The following KALRN variants were observed in gnomAD, a reference collection of about 807,000 sequenced individuals.
The protein encoded by KALRN is kalirin.
Under a neutral mutation model 353.7 loss-of-function variants are expected in KALRN, and 70 were observed. The observed-to-expected ratio is 0.20, with a 90% CI of 0.16 to 0.24. The LOEUF is 0.24. Among genes scored for constraint, KALRN ranks in the 10% least tolerant of loss-of-function variants. The probability of loss-of-function intolerance (pLI) is 1.00; values close to 1 mark genes in which losing one functional copy is unlikely to be tolerated. For synonymous variants in KALRN, 1,391 were observed against 1,434.8 expected (o/e 0.97, Z 0.69); for missense variants, 2,791 against 3,756.7 (o/e 0.74, Z 6.72).
intron 5 of KALRN, among the ~76,000 whole-genome samples, chr3:124,293,226 C>G (rs922241831): frequency 6.6e-6 from 1 of 152,188 alleles, no homozygotes; most frequent in Non-Finnish European, 1.5e-5. Flanking sequence ...CTTGTGTCCT[C>G]TTAATCAGCT....
chr3:124,319,448 T>TTCC (rs2079104710), intron 6 of KALRN, among the ~76,000 whole-genome samples: 1 of 151,412 alleles, frequency 6.6e-6, no homozygotes, highest in South Asian at 2.1e-4. Flanking sequence ...AGTAGGAGGT[T>TTCC]GAACATAAGT....
At chr3:124,508,632 G>A (rs1448323013) in intron 33 of KALRN, among the ~76,000 whole-genome samples, 2 of 152,156 alleles carry the variant, frequency 1.3e-5, no homozygotes, top group African/African-American at 4.8e-5. Flanking sequence ...ACATACCCCT[G>A]TGCATGTGTA....
intron 1 of KALRN, among the ~76,000 whole-genome samples, chr3:124,048,525 A>G (rs1263564362): frequency 6.6e-6 from 1 of 151,054 alleles, no homozygotes; most frequent in Non-Finnish European, 1.5e-5. Context: ...TCTGTCACCC[A>G]GGCTGGAGTG....
intron 11 of KALRN, among the ~76,000 whole-genome samples, chr3:124,393,823 A>G (rs2089810726): frequency 1.3e-5 from 2 of 152,190 alleles, no homozygotes; most frequent in African/African-American, 4.8e-5. Context: ...AAGCTTATTA[A>G]TCTTCCTGTT....
chr3:124,522,635 C>A (rs987088441), intron 33 of KALRN, among the ~76,000 whole-genome samples: 29 of 152,128 alleles, frequency 1.9e-4, no homozygotes, highest in African/African-American at 6.8e-4. Context: ...CAGGGCTGCA[C>A]CCCCGGAGTT....
At chr3:124,548,424 T>C (rs1387622792) in intron 33 of KALRN, among the ~76,000 whole-genome samples, 1 of 152,206 alleles carries the variant, frequency 6.6e-6, no homozygotes, top group African/African-American at 2.4e-5. Flanking sequence ...ACCTACATTT[T>C]AATTATCTCC....
intron 5 of KALRN, among the ~76,000 whole-genome samples, chr3:124,280,206 T>G (rs7630529): frequency 0.02 from 3,103 of 152,280 alleles, 40 homozygotes; most frequent in Middle Eastern, 0.034. Flanking sequence ...AGATGTGCAT[T>G]TTTCCAGATT....
intron 34 of KALRN, among the ~76,000 whole-genome samples, chr3:124,594,537 T>G (rs1310663292): frequency 2.0e-5 from 3 of 152,202 alleles, no homozygotes; most frequent in Non-Finnish European, 2.9e-5. Flanking sequence ...CAGGATATTT[T>G]CAATGACTAT....
chr3:124,441,775 A>G (rs573931512), intron 18 of KALRN, among the ~76,000 whole-genome samples, 170 bp from the exon 19 acceptor site: 7 of 151,732 alleles, frequency 4.6e-5, no homozygotes, highest in South Asian at 2.1e-4. Context: ...GCGGTGAGCT[A>G]TGATCATGCC....
At chr3:124,622,380 C>T (rs2079379676) in intron 34 of KALRN, among the ~76,000 whole-genome samples, 1 of 152,104 alleles carries the variant, frequency 6.6e-6, no homozygotes, top group South Asian at 2.1e-4. Context: ...GCAACTGGAC[C>T]CCATTGTCTT....
At chr3:124,324,551 A>G (rs1283612003) in intron 6 of KALRN, among the ~76,000 whole-genome samples, 2 of 152,246 alleles carry the variant, frequency 1.3e-5, no homozygotes, top group East Asian at 3.8e-4. Flanking sequence ...AGGGAAATGC[A>G]CTATGTCAGA....
intron 1 of KALRN, among the ~76,000 whole-genome samples, chr3:124,065,852 A>G (rs1161614587): frequency 6.6e-6 from 1 of 152,218 alleles, no homozygotes; most frequent in Non-Finnish European, 1.5e-5. Context: ...CTGTTTTATT[A>G]TTATTACTAA....
rs186879956 is a variant in KALRN at position 124,354,223 on chromosome 3, G to A, written c.1770+6958G>A. On this transcript the variant is annotated intron_variant, in intron 10 of 59. Transcript: ENST00000682506. ...TGGGGTTTTATTCCTAATGACATAA[G>A]TTCTGAGTAACAAACTGAAAGATTT... 9.7e-4 allele frequency among the ~76,000 whole-genome samples: 148 copies of A among 152,330 alleles called. 2 individuals are homozygous for A. Among genetic ancestry groups the A allele is most frequent in the African/African-American group, 3.5e-3 (146 of 41,574 alleles).
Position 124,518,862 on chromosome 3 carries a change from C to G in KALRN, c.4935+22449C>G, listed in dbSNP as rs1012814286. 1.3e-5 allele frequency: 14 copies of G among 1,038,832 alleles called. No individual in the cohort carries two copies. The African/African-American group carries it at 2.3e-4, about 17-fold the overall frequency. The allele number at this position is 1,038,832 out of a possible 1,614,324, so 64.4% of individuals were successfully genotyped here. On this transcript the variant is annotated intron_variant, in intron 33 of 59. Coordinates refer to ENST00000682506, the MANE Select transcript of KALRN (RefSeq NM_001388419.1). ...AGGTTAATTAGAGGGACACACTTAT[C>G]TCTGAAGTTTTTCTCCAGGCTGAAC...
chr3:124,209,406 G>C (rs764340112), intron 1 of KALRN, among the ~76,000 whole-genome samples: 1 of 151,118 alleles, frequency 6.6e-6, no homozygotes, highest in African/African-American at 2.4e-5. Context: ...AGTGGGACTG[G>C]GGAGGCTGAG....
chr3:124,104,254 A>G (rs998715061), intron 1 of KALRN, among the ~76,000 whole-genome samples: 4 of 152,216 alleles, frequency 2.6e-5, no homozygotes, highest in African/African-American at 9.6e-5. Flanking sequence ...CTAAGGTCCT[A>G]CTATGTGCTT....
intron 4 of KALRN, among the ~76,000 whole-genome samples, chr3:124,265,312 T>TTTTTTTTTTTTTTTTTTTTTA: frequency 7.1e-6 from 1 of 141,094 alleles, no homozygotes; most frequent in South Asian, 2.3e-4. Flanking sequence ...TTTTTTTTTT[T>TTTTTTTTTTTTTTTTTTTTTA]GAGATAGAGT....
rs140398664 is a variant in KALRN at position 124,376,772 on chromosome 3, G to C, written c.1771-8073G>C. On this transcript the variant is annotated intron_variant, in intron 10 of 59. Transcript: ENST00000682506. The stretch of plus-strand genomic sequence containing the variant: ...AGCTGCTGAACTGCAGAGTTTTTGG[G>C]TTGAGTGACTATTGAAAGGAGAGCA... Among the ~76,000 whole-genome samples, 58 of 152,274 alleles carry C rather than the reference G, an allele frequency of 3.8e-4. No individual in the cohort carries two copies. In the East Asian group the frequency reaches 0.011, roughly 28 times the overall value.
At chr3:124,433,742 A>C (rs1048551317) in intron 16 of KALRN, among the ~76,000 whole-genome samples, 1 of 152,144 alleles carries the variant, frequency 6.6e-6, no homozygotes, top group African/African-American at 2.4e-5. Flanking sequence ...TAATTAAGGG[A>C]TGATGTAGGA....
Sources: allele counts gnomAD v4.1 joint callset (sites outside exome capture counted in the v4.1 genomes callset), GRCh38; gene constraint gnomAD v4.1.1; transcripts MANE v1.5; gene names NCBI Gene and HGNC (gene_info 2026-07-23, HGNC 2026-07-21).